RABGAP1L: variants seen among roughly 807,000 people sequenced by gnomAD.
The protein encoded by RABGAP1L is RAB GTPase activating protein 1 like.
A neutral mutation model predicts 137.7 loss-of-function variants in RABGAP1L; 63 were observed. That is an observed-to-expected ratio of 0.46 (90% CI 0.37 to 0.56). The LOEUF is 0.56. Ranked by LOEUF, RABGAP1L falls within the 20% of genes least tolerant of loss-of-function variation. RABGAP1L has a pLI of 0.00. For synonymous variants in RABGAP1L, 431 were observed against 433.7 expected, an observed-to-expected ratio of 0.99 and a Z score of 0.08; for missense variants, 1,095 against 1,244.0, an observed-to-expected ratio of 0.88 and a Z score of 1.80.
At chr1:174,737,766 T>G (rs1238351847) in intron 17 of RABGAP1L, among the ~76,000 whole-genome samples, 3 of 152,240 alleles carry the variant, frequency 2.0e-5, no homozygotes, top group Admixed American at 6.5e-5. Context: ...CACCAACATC[T>G]GTTCAACTCC....
chr1:174,234,698 T>C (rs1423755869), intron 4 of RABGAP1L, among the ~76,000 whole-genome samples: 1 of 150,666 alleles, frequency 6.6e-6, no homozygotes, highest in East Asian at 1.9e-4. Context: ...AGTCAGGTAG[T>C]GTGATGCCTC....
chr1:174,843,224 C>CTT lies in RABGAP1L; in HGVS notation c.2340+31281_2340+31282dup, dbSNP rs60814405. Among the ~76,000 whole-genome samples the CTT allele has an allele frequency of 3.8e-4, 50 of 131,200 alleles. 1 individual carries two copies. Among genetic ancestry groups the CTT allele is most frequent in the South Asian group, 2.0e-3 (8 of 4,102 alleles). 86.1% of individuals were successfully genotyped at this position (131,200 alleles called of 152,430 possible). A position where few individuals can be genotyped will look rare whatever the true frequency, so the allele number is the denominator to read the frequency against. On this transcript the variant is annotated intron_variant, in intron 19 of 25. Coordinates refer to ENST00000681986, the MANE Select transcript of RABGAP1L (RefSeq NM_001366446.1). The stretch of plus-strand genomic sequence containing the variant: ...TTCCCTAACAAGAAAATGTCACAGT[C>CTT]TTTTTTTTTTTTTTTTTTATACTTT...
intron 17 of RABGAP1L, among the ~76,000 whole-genome samples, chr1:174,704,737 G>A (rs1015730917): frequency 6.6e-6 from 1 of 152,150 alleles, no homozygotes; most frequent in African/African-American, 2.4e-5. Flanking sequence ...TTTATTCAAA[G>A]TCACCATGTT....
At chr1:174,687,204 T>C (rs1480726279) in intron 15 of RABGAP1L, among the ~76,000 whole-genome samples, 1 of 152,148 alleles carries the variant, frequency 6.6e-6, no homozygotes, top group Non-Finnish European at 1.5e-5. Context: ...GAATTTTTTT[T>C]CTACATTAGG....
chr1:174,441,765 A>G (rs1203452322), intron 13 of RABGAP1L, among the ~76,000 whole-genome samples: 2 of 151,954 alleles, frequency 1.3e-5, no homozygotes, highest in Non-Finnish European at 2.9e-5. Flanking sequence ...CAAATAAAAA[A>G]CGAACAAAAA....
At chr1:174,555,382 C>T (rs1666807003) in intron 13 of RABGAP1L, among the ~76,000 whole-genome samples, 1 of 152,118 alleles carries the variant, frequency 6.6e-6, no homozygotes, top group African/African-American at 2.4e-5. Context: ...ATGGCAAAAG[C>T]CCTTGCAATC....
At chr1:174,864,410 A>G (rs1227162972) in intron 19 of RABGAP1L, among the ~76,000 whole-genome samples, 1 of 152,236 alleles carries the variant, frequency 6.6e-6, no homozygotes, top group Non-Finnish European at 1.5e-5. Context: ...TTTATAAAGG[A>G]AAGTTGTTTA....
chr1:174,831,626 C>T (rs1052328263), intron 19 of RABGAP1L, among the ~76,000 whole-genome samples: 1 of 148,206 alleles, frequency 6.7e-6, no homozygotes. Flanking sequence ...GTCATTTTAT[C>T]CCAACAGATA....
At chr1:174,635,873 T>G (rs1673975532) in intron 13 of RABGAP1L, among the ~76,000 whole-genome samples, 1 of 152,214 alleles carries the variant, frequency 6.6e-6, no homozygotes, top group African/African-American at 2.4e-5. Flanking sequence ...CCCCTTCTTG[T>G]ATACTTCGCA....
Position 174,276,840 on chromosome 1 carries a change from G to A in RABGAP1L, c.1156+905G>A, listed in dbSNP as rs574711156. On this transcript the variant is annotated intron_variant, in intron 9 of 25. Coordinates refer to ENST00000681986, the MANE Select transcript of RABGAP1L (RefSeq NM_001366446.1). ...TGTTTTTTCATTCCTACTTCATCCA[G>A]ATAGCTGTTAATTGCCTGTTTTTTG... 3.3e-5 allele frequency among the ~76,000 whole-genome samples: 5 copies of A among 151,986 alleles called. No individual in the cohort carries two copies. In the South Asian group the frequency reaches 1.0e-3, roughly 32 times the overall value.
At chr1:174,677,597 A>T (rs1423312615) in intron 14 of RABGAP1L, among the ~76,000 whole-genome samples, 1 of 152,024 alleles carries the variant, frequency 6.6e-6, no homozygotes, top group Non-Finnish European at 1.5e-5. Flanking sequence ...ATAACCCCAA[A>T]TTTTTCTGAG....
intron 18 of RABGAP1L, among the ~76,000 whole-genome samples, chr1:174,781,482 G>A (rs189951087): frequency 6.6e-6 from 1 of 152,234 alleles, no homozygotes; most frequent in African/African-American, 2.4e-5. Context: ...TGTCAGATGA[G>A]TAGATTGCAA....
intron 19 of RABGAP1L, among the ~76,000 whole-genome samples, chr1:174,885,279 CA>C (rs1394556841): frequency 6.6e-6 from 1 of 152,108 alleles, no homozygotes; most frequent in African/African-American, 2.4e-5. Context: ...TAAATTAAAT[CA>C]GTAATATATG....
intron 7 of RABGAP1L, among the ~76,000 whole-genome samples, chr1:174,256,378 G>C (rs1401931237): frequency 6.6e-6 from 1 of 152,124 alleles, no homozygotes; most frequent in Non-Finnish European, 1.5e-5. Context: ...GTCCCTTGAT[G>C]ATGATGATGT....
At chr1:174,584,027 G>C (rs947012030) in intron 13 of RABGAP1L, among the ~76,000 whole-genome samples, 2 of 152,100 alleles carry the variant, frequency 1.3e-5, no homozygotes, top group East Asian at 3.9e-4. Flanking sequence ...TTCTGAAACA[G>C]GCATTCCATT....
At chr1:174,385,689 A>G (rs190644767) in intron 12 of RABGAP1L, among the ~76,000 whole-genome samples, 7 of 152,326 alleles carry the variant, frequency 4.6e-5, no homozygotes, top group Non-Finnish European at 1.0e-4. Flanking sequence ...TGGGAGGAGA[A>G]TCAAGATAGA....
intron 19 of RABGAP1L, among the ~76,000 whole-genome samples, chr1:174,871,150 T>TTTTG (rs150911929): frequency 2.0e-5 from 3 of 151,838 alleles, no homozygotes; most frequent in East Asian, 1.9e-4. Context: ...ATGTTGAGTT[T>TTTTG]TTTGTTTGTT....
chr1:174,635,394 C>G (rs73026418), intron 13 of RABGAP1L, among the ~76,000 whole-genome samples: 1 of 152,164 alleles, frequency 6.6e-6, no homozygotes, highest in Non-Finnish European at 1.5e-5. Flanking sequence ...GAAGAGAGCT[C>G]TTCTGTTGGA....
At position 174,191,502 on chromosome 1, in the gene RABGAP1L, G is replaced by A. The variant is rs561519236; in HGVS notation, c.-33-27623G>A. On this transcript the variant is annotated intron_variant, in intron 1 of 25. Coordinates refer to ENST00000681986, the MANE Select transcript of RABGAP1L (RefSeq NM_001366446.1). ...ATTGCATTACTTTTCTCCCTCTTAC[G>A]TGTAGTATAGCCTTGGGGAAAATTA... Among the ~76,000 whole-genome samples the A allele has an allele frequency of 1.0e-3, 159 of 152,258 alleles. 1 individual carries two copies. The highest frequency in any genetic ancestry group is 3.1e-3 in the Admixed American group (47 of 15,288).
Sources: allele counts gnomAD v4.1 joint callset (sites outside exome capture counted in the v4.1 genomes callset), GRCh38; gene constraint gnomAD v4.1.1; transcripts MANE v1.5; gene names NCBI Gene and HGNC (gene_info 2026-07-23, HGNC 2026-07-21).